PARP1: variants seen among roughly 807,000 people sequenced by gnomAD.
PARP1 encodes poly [ADP-ribose] polymerase 1.
A neutral mutation model predicts 118.7 loss-of-function variants in PARP1; 44 were observed. That is an observed-to-expected ratio of 0.37 (90% CI 0.29 to 0.48). The LOEUF (loss-of-function observed/expected upper bound fraction) is 0.48. PARP1 is among the 20% of genes least tolerant of loss of function. PARP1 has a pLI of 0.99. For synonymous variants in PARP1, 492 were observed against 483.2 expected (o/e 1.02, Z -0.24); for missense variants, 1,100 against 1,272.4 (o/e 0.86, Z 2.06).
chr1:226,362,022 AGGAAC>A lies in PARP1; in HGVS notation c.2905_2909del (p.Val969SerfsTer11). The A allele has an allele frequency of 6.2e-7, 1 of 1,613,888 alleles. No homozygotes were observed. Among genetic ancestry groups the A allele is most frequent in the Non-Finnish European group, 8.5e-7 (1 of 1,179,760 alleles). ...CACCAGATGAAATCCCGGTCCCAAG[AGGAAC>A]GTCTACACCATCCAGACTAATGTTA... is the stretch of plus-strand genomic sequence containing the variant. On this transcript the variant is annotated frameshift_variant, in exon 22 of 23. Coordinates refer to ENST00000366794, the MANE Select transcript of PARP1 (RefSeq NM_001618.4). LOFTEE classifies it high-confidence loss of function.
chr1:226,401,515 C>A (rs893263315), intron 2 of PARP1, among the ~76,000 whole-genome samples: 3 of 152,214 alleles, frequency 2.0e-5, no homozygotes, highest in Admixed American at 6.5e-5. Flanking sequence ...GGGGTGGTAA[C>A]TTCCGGGTAT....
intron 1 of PARP1, among the ~76,000 whole-genome samples, chr1:226,407,535 G>A (rs934717132): frequency 2.0e-5 from 3 of 152,048 alleles, no homozygotes; most frequent in South Asian, 4.2e-4. Context: ...CACCCAGAAA[G>A]GAGAAGAGAA....
chr1:226,372,216 A>C (rs536017954), intron 14 of PARP1, among the ~76,000 whole-genome samples: 1 of 152,310 alleles, frequency 6.6e-6, no homozygotes, highest in South Asian at 2.1e-4. Flanking sequence ...CTACTTCTCC[A>C]CATGGTTACC....
In PARP1 at chr1:226,368,358, G is replaced by T. The variant is rs1664314643; in HGVS notation, c.2155-37C>A. ...GGGACAGAAGGAATGCAAGACTGAG[G>T]GAGCAGCTCCAAGCCCCCGGCCAGG... On this transcript the variant is annotated intron_variant, in intron 15 of 22. Coordinates refer to ENST00000366794, the MANE Select transcript of PARP1 (RefSeq NM_001618.4). 3.1e-6 allele frequency: 5 copies of T among 1,613,754 alleles called. No individual in the cohort carries two copies. In the East Asian group the frequency reaches 1.1e-4, roughly 36 times the overall value.
chr1:226,404,404 C>CT (rs1665097195), intron 1 of PARP1, among the ~76,000 whole-genome samples: 1 of 152,188 alleles, frequency 6.6e-6, no homozygotes, highest in Non-Finnish European at 1.5e-5. Context: ...GCTCTGCCTG[C>CT]TTGTCTACCC....
At chr1:226,402,459 G>T in intron 1 of PARP1, 80 bp from the exon 2 acceptor site, 1 of 1,365,680 alleles carries the variant, frequency 7.3e-7, no homozygotes, top group Non-Finnish European at 1.0e-6. Flanking sequence ...CCTTGACCTC[G>T]ACCCCAGTCC....
At chr1:226,370,551 G>A (rs1664360320) in intron 14 of PARP1, 34 bp from the exon 15 acceptor site, 1 of 1,553,022 alleles carries the variant, frequency 6.4e-7, no homozygotes, top group Non-Finnish European at 8.9e-7. Context: ...CTGAAAGCTG[G>A]GCACTGTGCA....
At chr1:226,402,452 TGACCTC>T (rs1665057776) in intron 1 of PARP1, 73 bp from the exon 2 acceptor site, 11 of 1,436,032 alleles carry the variant, frequency 7.7e-6, no homozygotes, top group Non-Finnish European at 1.0e-5. Flanking sequence ...ACCTTGACCT[TGACCTC>T]GACCCCAGTC....
At chr1:226,388,865 C>G in intron 4 of PARP1, 110 bp from the exon 5 acceptor site, 1 of 847,022 alleles carries the variant, frequency 1.2e-6, no homozygotes, top group Non-Finnish European at 2.0e-6. Flanking sequence ...CCCTGTAGGG[C>G]CTACTCACAC....
chr1:226,364,988 G>C lies in PARP1; in HGVS notation c.2658+14C>G, dbSNP rs767298470. The C allele has an allele frequency of 6.2e-7, 1 of 1,613,294 alleles. No individual in the cohort carries two copies. Among genetic ancestry groups the C allele is most frequent in the Admixed American group, 1.7e-5 (1 of 60,030 alleles). The stretch of plus-strand genomic sequence containing the variant: ...GACAGGCATTGCCCACCCCTCGCCA[G>C]GCCAGGCACATACCACGGGCGCTTC... On this transcript the variant is annotated intron_variant, in intron 19 of 22. Coordinates refer to ENST00000366794, the MANE Select transcript of PARP1 (RefSeq NM_001618.4).
intron 2 of PARP1, among the ~76,000 whole-genome samples, chr1:226,394,403 G>T (rs1020285963): frequency 3.3e-5 from 5 of 152,102 alleles, no homozygotes; most frequent in Non-Finnish European, 7.4e-5. Context: ...AGAGAAATGG[G>T]TATATTATAT....
intron 12 of PARP1, among the ~76,000 whole-genome samples, chr1:226,378,122 C>G (rs571103986): frequency 5.6e-4 from 85 of 152,120 alleles, no homozygotes; most frequent in African/African-American, 1.9e-3. Flanking sequence ...TTTTCTGACC[C>G]TAACAGCCTA....
At chr1:226,392,806 A>T in intron 2 of PARP1, 4 of 796,574 alleles carry the variant, frequency 5.0e-6, no homozygotes, top group Non-Finnish European at 7.7e-6. Flanking sequence ...TAGTGGGAAA[A>T]GGTTGAATTA....
intron 1 of PARP1, among the ~76,000 whole-genome samples, chr1:226,403,271 T>C (rs2793657): frequency 0.44 from 67,273 of 152,072 alleles, 16,360 homozygotes; most frequent in East Asian, 0.81. Context: ...CTCTGTCTCC[T>C]GGGTTCAAGC....
At chr1:226,406,571 C>G (rs542306098) in intron 1 of PARP1, among the ~76,000 whole-genome samples, 1 of 152,244 alleles carries the variant, frequency 6.6e-6, no homozygotes, top group Admixed American at 6.5e-5. Flanking sequence ...ACAGCTCCAT[C>G]AGGTGGCATC....
chr1:226,384,464 C>A (rs1356813800), intron 7 of PARP1, among the ~76,000 whole-genome samples: 3 of 152,214 alleles, frequency 2.0e-5, no homozygotes, highest in Non-Finnish European at 4.4e-5. Flanking sequence ...TGCACATAAC[C>A]TTTAAAAATG....
chr1:226,368,638 G>A (rs1664320059), intron 15 of PARP1, among the ~76,000 whole-genome samples: 1 of 152,230 alleles, frequency 6.6e-6, no homozygotes, highest in African/African-American at 2.4e-5. Context: ...AAATCTAGGT[G>A]GTGGGCTAAT....
chr1:226,397,528 C>T (rs1453726809), intron 2 of PARP1, among the ~76,000 whole-genome samples: 1 of 152,096 alleles, frequency 6.6e-6, no homozygotes, highest in Non-Finnish European at 1.5e-5. Context: ...AATTATAATC[C>T]CGAATGTTGG....
intron 1 of PARP1, among the ~76,000 whole-genome samples, chr1:226,405,976 GAAAAGGAAACACTGAGATAATTATC>G: frequency 6.6e-6 from 1 of 152,154 alleles, no homozygotes; most frequent in South Asian, 2.1e-4. Flanking sequence ...AAAAAGGCTC[GAAAAGGAAACACTGAGATAATTATC>G]AAAACATTTG....
Sources: gnomAD v4.1 joint callset for allele counts (sites outside exome capture counted in the v4.1 genomes callset) on GRCh38, gnomAD v4.1.1 for gene constraint, MANE v1.5 for transcripts, NCBI Gene and HGNC (gene_info 2026-07-23, HGNC 2026-07-21) for gene names.